The following NTM variants were observed in gnomAD, a reference collection of about 807,000 sequenced individuals.
NTM encodes the protein neurotrimin, also known as IgLON family member 2.
In NTM, 13 loss-of-function variants were observed where a neutral mutation model predicts 42.1. The observed-to-expected ratio is 0.31, with a 90% CI of 0.20 to 0.49. The LOEUF is 0.49. Ranked by LOEUF, NTM falls within the 20% of genes least tolerant of loss-of-function variation. NTM has a pLI of 0.99. For missense variants in NTM, 373 were observed against 452.8 expected (o/e 0.82, Z 1.60); for synonymous variants, 187 against 179.2 (o/e 1.04, Z -0.35).
intron 1 of NTM, among the ~76,000 whole-genome samples, chr11:131,543,959 C>A (rs867313488): frequency 6.6e-6 from 1 of 152,208 alleles, no homozygotes; most frequent in Admixed American, 6.5e-5. Context: ...ACACACCAGG[C>A]AGGTGGCCTC....
chr11:131,840,551 A>G (rs955978974), intron 1 of NTM, among the ~76,000 whole-genome samples: 3 of 152,194 alleles, frequency 2.0e-5, no homozygotes, highest in Admixed American at 6.5e-5. Context: ...GAAGAATCTG[A>G]AGAGATGGAT....
intron 1 of NTM, among the ~76,000 whole-genome samples, chr11:131,550,400 G>A (rs1362945717): frequency 6.6e-6 from 1 of 152,190 alleles, no homozygotes; most frequent in Non-Finnish European, 1.5e-5. Context: ...TGTTGGAAGT[G>A]GGGTCTGCTG....
intron 1 of NTM, among the ~76,000 whole-genome samples, chr11:131,561,933 T>C (rs943263298): frequency 6.6e-6 from 1 of 152,230 alleles, no homozygotes. Flanking sequence ...TTTCACAATG[T>C]CCTATTTAAA....
At chr11:131,661,143 TC>T in intron 1 of NTM, 1 of 820,326 alleles carries the variant, frequency 1.2e-6, no homozygotes, top group South Asian at 1.5e-5. Flanking sequence ...GGACGGAAGG[TC>T]CAGGTGGTGA....
At chr11:132,155,535 G>T (rs559818969) in intron 3 of NTM, among the ~76,000 whole-genome samples, 1 of 151,972 alleles carries the variant, frequency 6.6e-6, no homozygotes, top group African/African-American at 2.4e-5. Flanking sequence ...AGCCGCCTCC[G>T]CGGAGCTCTA....
At chr11:132,250,256 G>T (rs1050116474) in intron 4 of NTM, among the ~76,000 whole-genome samples, 5 of 152,100 alleles carry the variant, frequency 3.3e-5, no homozygotes, top group Admixed American at 2.6e-4. Context: ...TTCCATGAAC[G>T]TTTTCTGCCT....
At chr11:131,489,228 T>G in intron 1 of NTM, among the ~76,000 whole-genome samples, 1 of 152,212 alleles carries the variant, frequency 6.6e-6, no homozygotes, top group East Asian at 1.9e-4. Flanking sequence ...TTCTTCCTTT[T>G]TCATAAGAAA....
chr11:131,513,877 T>G (rs2048560140), intron 1 of NTM, among the ~76,000 whole-genome samples: 1 of 152,060 alleles, frequency 6.6e-6, no homozygotes, highest in South Asian at 2.1e-4. Context: ...TGTTGGGAAG[T>G]GGCTTTCCAG....
rs186736381 is a variant in NTM, at chr11:131,761,906, C to T, written c.83-149658C>T. ...AGCGCGCATGCTCTCTCTGTCTCCT[C>T]TCTCTGTCTCTCTCTTCACTATGTG... On this transcript the variant is annotated intron_variant, in intron 1 of 8. Coordinates refer to ENST00000683400, the MANE Select transcript of NTM (RefSeq NM_001352005.2). Among the ~76,000 whole-genome samples the T allele has an allele frequency of 1.2e-3, 187 of 150,462 alleles. 1 individual carries two copies. Among genetic ancestry groups the T allele is most frequent in the Non-Finnish European group, 2.4e-3 (162 of 67,398 alleles).
intron 3 of NTM, among the ~76,000 whole-genome samples, chr11:132,177,416 A>G (rs1315366134): frequency 6.6e-6 from 1 of 152,148 alleles, no homozygotes; most frequent in Non-Finnish European, 1.5e-5. Context: ...TAACATTCCA[A>G]CTGATGGGTA....
Position 131,590,244 on chromosome 11 carries a change from C to A in NTM, c.82+219356C>A, listed in dbSNP as rs369749607. Among the ~76,000 whole-genome samples, 13 of 152,268 alleles carry A rather than the reference C, an allele frequency of 8.5e-5. No individual in the cohort carries two copies. The East Asian group carries it at 2.1e-3, about 25-fold the overall frequency. On this transcript the variant is annotated intron_variant, in intron 1 of 8. Transcript: ENST00000683400. ...CAGGACTGTCTGACAGCAGTGATGA[C>A]CCTGGGGGCTTGTGTCATCATTCAA...
chr11:131,789,645 G>GAAGAAGAAGAAGAAGAAGAAGAAGAAGAA (rs2090517569), intron 1 of NTM, among the ~76,000 whole-genome samples: 1 of 128,244 alleles, frequency 7.8e-6, no homozygotes, highest in Admixed American at 1.0e-4. Flanking sequence ...AAAAGAAGAA[G>GAAGAAGAAGAAGAAGAAGAAGAAGAAGAA]AAGAAGAAGA....
intron 1 of NTM, among the ~76,000 whole-genome samples, chr11:131,694,736 A>T (rs534942464): frequency 6.6e-6 from 1 of 152,268 alleles, no homozygotes; most frequent in Non-Finnish European, 1.5e-5. Flanking sequence ...GAAGGAGCAG[A>T]TTTGGTTTTA....
intron 1 of NTM, among the ~76,000 whole-genome samples, chr11:131,638,372 G>GATCA (rs1186236670): frequency 6.6e-6 from 1 of 151,998 alleles, no homozygotes; most frequent in African/African-American, 2.4e-5. Context: ...TTCAAGACCA[G>GATCA]CCTGGCCAAC....
intron 2 of NTM, among the ~76,000 whole-genome samples, chr11:132,108,641 T>C (rs1407716935): frequency 6.6e-6 from 1 of 152,054 alleles, no homozygotes; most frequent in African/African-American, 2.4e-5. Context: ...AACGTATCCA[T>C]GAAACCGAAT....
At chr11:132,149,487 A>T (rs2071379733) in intron 3 of NTM, among the ~76,000 whole-genome samples, 1 of 152,228 alleles carries the variant, frequency 6.6e-6, no homozygotes. Flanking sequence ...ATTTATGTAT[A>T]TGTAGTCACC....
At chr11:131,961,295 G>A (rs75581790) in intron 2 of NTM, among the ~76,000 whole-genome samples, 10,688 of 152,126 alleles carry the variant, frequency 0.07, 470 homozygotes, top group Middle Eastern at 0.11. Context: ...AGCCACTTTC[G>A]GGGGCCAAAG....
At chr11:131,887,514 T>A (rs2050600530) in intron 1 of NTM, among the ~76,000 whole-genome samples, 1 of 152,214 alleles carries the variant, frequency 6.6e-6, no homozygotes, top group Non-Finnish European at 1.5e-5. Context: ...AGCTTCTTTG[T>A]TCTTTCTGTT....
chr11:131,749,130 AACTTT>A (rs1357980343), intron 1 of NTM, among the ~76,000 whole-genome samples: 1 of 152,254 alleles, frequency 6.6e-6, no homozygotes, highest in Admixed American at 6.5e-5. Context: ...AGATGCAGCC[AACTTT>A]ACTTCCGGAT....
Sources: allele counts gnomAD v4.1 joint callset (sites outside exome capture counted in the v4.1 genomes callset), GRCh38; gene constraint gnomAD v4.1.1; transcripts MANE v1.5; gene names NCBI Gene and HGNC (gene_info 2026-07-23, HGNC 2026-07-21).